PTPRM: variants seen among roughly 807,000 people sequenced by gnomAD.
PTPRM encodes receptor-type tyrosine-protein phosphatase mu.
A neutral mutation model predicts 186.7 loss-of-function variants in PTPRM; 47 were observed. The ratio of observed to expected loss-of-function variants is 0.25; its 90% CI spans 0.20 to 0.32. PTPRM has a LOEUF of 0.32. PTPRM is among the 10% of genes least tolerant of loss of function. The probability of loss-of-function intolerance (pLI) is 1.00; values close to 1 mark genes in which losing one functional copy is unlikely to be tolerated. For missense variants in PTPRM, 1,494 were observed against 1,865.0 expected (o/e 0.80, Z 3.66); for synonymous variants, 668 against 674.9 (o/e 0.99, Z 0.16).
At chr18:8,088,457 A>C (rs1009986184) in intron 10 of PTPRM, among the ~76,000 whole-genome samples, 1 of 152,198 alleles carries the variant, frequency 6.6e-6, no homozygotes, top group African/African-American at 2.4e-5. Context: ...AGCTATGCTC[A>C]TTTAGCCAGA....
intron 14 of PTPRM, among the ~76,000 whole-genome samples, chr18:8,204,843 C>T (rs935855472): frequency 2.0e-5 from 3 of 152,060 alleles, no homozygotes; most frequent in Admixed American, 2.0e-4. Context: ...TTACCAGGCT[C>T]GTGTTTTCTC....
At chr18:7,865,016 A>G (rs972430280) in intron 2 of PTPRM, among the ~76,000 whole-genome samples, 2 of 152,186 alleles carry the variant, frequency 1.3e-5, no homozygotes, top group South Asian at 2.1e-4. Context: ...ATTGGTGCAT[A>G]GGAATGCTTG....
At chr18:7,792,352 C>T (rs1166364394) in intron 2 of PTPRM, among the ~76,000 whole-genome samples, 1 of 152,150 alleles carries the variant, frequency 6.6e-6, no homozygotes, top group African/African-American at 2.4e-5. Flanking sequence ...ATTCTGGCTT[C>T]TCTTTCCACA....
intron 23 of PTPRM, among the ~76,000 whole-genome samples, chr18:8,369,872 C>T (rs1026507099): frequency 7.2e-5 from 11 of 152,100 alleles, no homozygotes; most frequent in African/African-American, 2.7e-4. Flanking sequence ...ATCGCTTGAG[C>T]CCAAGGATTC....
At chr18:7,606,967 G>A (rs1249039958) in intron 1 of PTPRM, among the ~76,000 whole-genome samples, 1 of 152,020 alleles carries the variant, frequency 6.6e-6, no homozygotes, top group Non-Finnish European at 1.5e-5. Context: ...ACTCCACCCA[G>A]CTCATCTGGG....
In PTPRM at chr18:8,368,809, T is replaced by C. The variant is rs1200226262; in HGVS notation, c.3055-2081T>C. On this transcript the variant is annotated intron_variant, in intron 23 of 32. Transcript: ENST00000580170. ...TGCATAAAATTCAGTTTTATATGTA[T>C]ACATTGCATATTTAGTGCACACAGG... Among the ~76,000 whole-genome samples, 9 of 152,358 alleles carry C rather than the reference T, an allele frequency of 5.9e-5. No individual in the cohort carries two copies. The South Asian group carries it at 1.9e-3, about 32-fold the overall frequency.
intron 3 of PTPRM, among the ~76,000 whole-genome samples, chr18:7,897,898 G>A (rs1247730585): frequency 6.6e-6 from 1 of 152,148 alleles, no homozygotes; most frequent in East Asian, 1.9e-4. Context: ...GAAAAGTGAG[G>A]AAGGTTGTGT....
intron 31 of PTPRM, among the ~76,000 whole-genome samples, chr18:8,388,879 T>C (rs1025444476): frequency 2.2e-4 from 33 of 152,080 alleles, no homozygotes; most frequent in Admixed American, 1.3e-3. Flanking sequence ...GAGAATGGCG[T>C]GAACCCGGGA....
intron 15 of PTPRM, among the ~76,000 whole-genome samples, chr18:8,246,319 A>G (rs913383120): frequency 1.2e-4 from 18 of 152,186 alleles, no homozygotes; most frequent in African/African-American, 4.3e-4. Flanking sequence ...GACAAGGGGA[A>G]AAACGAAATA....
rs1230441300 is a variant in PTPRM at position 7,926,639 on chromosome 18, A to G, written c.619A>G (p.Ser207Gly). Reference protein sequence around the residue: ...NAGQFATFQCSAIGRTVAGDR... With the variant: ...NAGQFATFQCGAIGRTVAGDR... ...TGGCCAGTTTGCTACCTTCCAGTGCAGTGCCATCGGCAGGACCGTGGCAGG... is the reference window on the plus strand; with the variant it reads ...TGGCCAGTTTGCTACCTTCCAGTGCGGTGCCATCGGCAGGACCGTGGCAGG... The change falls in exon 5 of 33, where the codon AGT (serine) becomes GGT (glycine). Residue 207 changes from serine (S) to glycine (G), a missense_variant. Ser to Gly is a moderately conservative substitution (Grantham distance 56, BLOSUM62 0). Transcript: ENST00000580170. The G allele has an allele frequency of 1.9e-6, 3 of 1,613,806 alleles. No homozygotes were observed. Among genetic ancestry groups the G allele is most frequent in the East Asian group, 4.5e-5 (2 of 44,856 alleles).
At chr18:7,672,017 G>T (rs910607615) in intron 1 of PTPRM, among the ~76,000 whole-genome samples, 1 of 152,156 alleles carries the variant, frequency 6.6e-6, no homozygotes, top group African/African-American at 2.4e-5. Context: ...GTTTATTTAG[G>T]ATTCAGTTAA....
chr18:7,853,173 T>C (rs1013755058), intron 2 of PTPRM, among the ~76,000 whole-genome samples: 1 of 152,278 alleles, frequency 6.6e-6, no homozygotes, highest in Non-Finnish European at 1.5e-5. Flanking sequence ...ATGTTCTGTA[T>C]GGACATTGGA....
intron 14 of PTPRM, among the ~76,000 whole-genome samples, chr18:8,155,513 T>G (rs1160399669): frequency 6.6e-6 from 1 of 152,216 alleles, no homozygotes; most frequent in Non-Finnish European, 1.5e-5. Flanking sequence ...ACACTATACC[T>G]CCATCTCCTT....
At chr18:8,035,972 T>C (rs2086299594) in intron 7 of PTPRM, among the ~76,000 whole-genome samples, 1 of 152,156 alleles carries the variant, frequency 6.6e-6, no homozygotes, top group South Asian at 2.1e-4. Context: ...TTACTGAGTA[T>C]CTTAGAGCAC....
chr18:7,764,130 G>A (rs1248707760), intron 1 of PTPRM, among the ~76,000 whole-genome samples: 1 of 152,144 alleles, frequency 6.6e-6, no homozygotes, highest in South Asian at 2.1e-4. Flanking sequence ...GTGCTATTCT[G>A]TTGTCCTTTA....
intron 23 of PTPRM, among the ~76,000 whole-genome samples, chr18:8,359,190 T>G (rs2017965): frequency 0.23 from 35,068 of 152,268 alleles, 4,792 homozygotes; most frequent in Middle Eastern, 0.31. Flanking sequence ...ATAAGTCATC[T>G]GACACTTTTG....
At chr18:7,586,198 T>C (rs1161874341) in intron 1 of PTPRM, among the ~76,000 whole-genome samples, 1 of 152,174 alleles carries the variant, frequency 6.6e-6, no homozygotes, top group Non-Finnish European at 1.5e-5. Flanking sequence ...TCAGACAGGC[T>C]TACAATCACG....
At chr18:7,780,320 C>G (rs1471327226) in intron 2 of PTPRM, among the ~76,000 whole-genome samples, 1 of 152,082 alleles carries the variant, frequency 6.6e-6, no homozygotes, top group Non-Finnish European at 1.5e-5. Flanking sequence ...AATACTTTAC[C>G]CAGGCATCCA....
intron 14 of PTPRM, among the ~76,000 whole-genome samples, chr18:8,173,338 G>A (rs963088976): frequency 1.3e-5 from 2 of 152,210 alleles, no homozygotes; most frequent in Non-Finnish European, 2.9e-5. Flanking sequence ...GCATATGAAT[G>A]ATTATTATTT....
Sources: allele counts gnomAD v4.1 joint callset (sites outside exome capture counted in the v4.1 genomes callset), GRCh38; gene constraint gnomAD v4.1.1; transcripts MANE v1.5; gene names NCBI Gene and HGNC (gene_info 2026-07-23, HGNC 2026-07-21).